CHRM3: variants seen among roughly 807,000 people sequenced by gnomAD.
CHRM3 encodes cholinergic receptor muscarinic 3, also known as muscarinic acetylcholine receptor M3.
In CHRM3, 11 loss-of-function variants were observed where a neutral mutation model predicts 41.8. That is an observed-to-expected ratio of 0.26 (90% CI 0.17 to 0.44). The LOEUF (loss-of-function observed/expected upper bound fraction) is 0.44. Among genes scored for constraint, CHRM3 ranks in the 20% least tolerant of loss-of-function variants. CHRM3 has a pLI of 1.00. For missense variants in CHRM3, 571 were observed against 745.4 expected (o/e 0.77, Z 2.72); for synonymous variants, 297 against 301.4 (o/e 0.99, Z 0.15).
At chr1:239,698,408 T>A (rs1364451839) in intron 5 of CHRM3, among the ~76,000 whole-genome samples, 1 of 152,262 alleles carries the variant, frequency 6.6e-6, no homozygotes, top group Middle Eastern at 3.4e-3. Flanking sequence ...GGAATTTGAT[T>A]TACAATTGTG....
intron 6 of CHRM3, among the ~76,000 whole-genome samples, chr1:239,873,310 C>T (rs1676752538): frequency 6.6e-6 from 1 of 152,108 alleles, no homozygotes; most frequent in African/African-American, 2.4e-5. Flanking sequence ...TGAATTCCCA[C>T]ACAGGGAACA....
intron 6 of CHRM3, among the ~76,000 whole-genome samples, chr1:239,827,807 A>G (rs1383398271): frequency 6.6e-6 from 1 of 152,238 alleles, no homozygotes; most frequent in Admixed American, 6.5e-5. Context: ...TTCCCTGCTC[A>G]TTAATTCATT....
At chr1:239,436,939 G>C (rs1245153332) in intron 1 of CHRM3, among the ~76,000 whole-genome samples, 2 of 151,960 alleles carry the variant, frequency 1.3e-5, no homozygotes, top group Admixed American at 6.6e-5. Context: ...CCAGTGAGGT[G>C]ATCTCTCGTG....
At chr1:239,453,023 A>T (rs1664671849) in intron 1 of CHRM3, among the ~76,000 whole-genome samples, 1 of 152,006 alleles carries the variant, frequency 6.6e-6, no homozygotes, top group Non-Finnish European at 1.5e-5. Flanking sequence ...GATGGTCTGG[A>T]TCTCCTGACC....
intron 3 of CHRM3, among the ~76,000 whole-genome samples, chr1:239,568,360 C>A (rs1558326079): frequency 6.6e-6 from 1 of 152,128 alleles, no homozygotes; most frequent in Non-Finnish European, 1.5e-5. Context: ...TTCACGAGAT[C>A]TGATTGTTTT....
At chr1:239,839,291 A>G (rs1673584731) in intron 6 of CHRM3, among the ~76,000 whole-genome samples, 1 of 152,228 alleles carries the variant, frequency 6.6e-6, no homozygotes, top group Non-Finnish European at 1.5e-5. Context: ...ATTGAAGATA[A>G]TTGAGATGAT....
At chr1:239,843,965 TAC>T (rs1387834867) in intron 6 of CHRM3, among the ~76,000 whole-genome samples, 1 of 152,166 alleles carries the variant, frequency 6.6e-6, no homozygotes, top group Non-Finnish European at 1.5e-5. Context: ...CACATATGCA[TAC>T]ACACACGTTA....
intron 1 of CHRM3, among the ~76,000 whole-genome samples, chr1:239,487,213 T>C (rs1001367037): frequency 2.6e-5 from 4 of 152,140 alleles, no homozygotes; most frequent in Non-Finnish European, 5.9e-5. Context: ...ACAAAGCTAT[T>C]TTTAGGATTT....
intron 5 of CHRM3, among the ~76,000 whole-genome samples, chr1:239,710,997 AC>A (rs1182635155): frequency 6.6e-6 from 1 of 151,984 alleles, no homozygotes; most frequent in Non-Finnish European, 1.5e-5. Flanking sequence ...GACAACTCTC[AC>A]TCATTCTGCA....
At chr1:239,585,299 T>A (rs1375000112) in intron 3 of CHRM3, among the ~76,000 whole-genome samples, 2 of 151,978 alleles carry the variant, frequency 1.3e-5, no homozygotes, top group Non-Finnish European at 2.9e-5. Context: ...TTCATGGGAG[T>A]CACCCAGCTG....
intron 6 of CHRM3, among the ~76,000 whole-genome samples, chr1:239,868,055 C>T (rs1676263166): frequency 6.6e-6 from 1 of 152,220 alleles, no homozygotes; most frequent in African/African-American, 2.4e-5. Context: ...GTGCCCGTGG[C>T]ACCCAGCACC....
At chr1:239,776,475 C>T (rs1223912157) in intron 5 of CHRM3, among the ~76,000 whole-genome samples, 2 of 152,092 alleles carry the variant, frequency 1.3e-5, no homozygotes, top group Non-Finnish European at 2.9e-5. Context: ...CTTAATGTGG[C>T]TGCTCAGAAC....
At chr1:239,493,521 T>A (rs1165624101) in intron 2 of CHRM3, among the ~76,000 whole-genome samples, 2 of 152,218 alleles carry the variant, frequency 1.3e-5, no homozygotes, top group East Asian at 3.8e-4. Context: ...ATTTATATTG[T>A]TTCTTGAAAA....
chr1:239,737,282 G>A (rs1664473297), intron 5 of CHRM3, among the ~76,000 whole-genome samples: 1 of 152,122 alleles, frequency 6.6e-6, no homozygotes, highest in African/African-American at 2.4e-5. Flanking sequence ...TGAGTAGTGA[G>A]TAAAGCCACT....
chr1:239,469,071 T>C (rs1665928203), intron 1 of CHRM3, among the ~76,000 whole-genome samples: 1 of 152,144 alleles, frequency 6.6e-6, no homozygotes, highest in South Asian at 2.1e-4. Flanking sequence ...TTATACTAGA[T>C]GTCAAAATGC....
chr1:239,765,388 A>G (rs1667121918), intron 5 of CHRM3, among the ~76,000 whole-genome samples: 1 of 152,206 alleles, frequency 6.6e-6, no homozygotes, highest in African/African-American at 2.4e-5. Context: ...AGTCCTGTTC[A>G]GGGTCAGGCC....
intron 3 of CHRM3, among the ~76,000 whole-genome samples, chr1:239,604,248 A>G (rs1366906218): frequency 2.0e-5 from 3 of 151,970 alleles, no homozygotes; most frequent in African/African-American, 7.2e-5. Flanking sequence ...ATGTAATAAA[A>G]CTTTAAATGG....
intron 1 of CHRM3, among the ~76,000 whole-genome samples, chr1:239,396,820 T>C (rs1659524086): frequency 6.6e-6 from 1 of 152,226 alleles, no homozygotes; most frequent in Admixed American, 6.5e-5. Flanking sequence ...ATTTACTCTA[T>C]ACAAAACTGG....
intron 4 of CHRM3, among the ~76,000 whole-genome samples, chr1:239,642,911 C>T (rs1250153756): frequency 3.3e-5 from 5 of 152,216 alleles, no homozygotes; most frequent in Non-Finnish European, 5.9e-5. Context: ...TACTTTTGGT[C>T]TTTGATGATG....
Sources: allele counts gnomAD v4.1 joint callset (sites outside exome capture counted in the v4.1 genomes callset), GRCh38; gene constraint gnomAD v4.1.1; transcripts MANE v1.5; gene names NCBI Gene and HGNC (gene_info 2026-07-23, HGNC 2026-07-21).